AKAP6: variants seen among roughly 807,000 people sequenced by gnomAD.
AKAP6 encodes A-kinase anchoring protein 6.
Under a neutral mutation model 188.5 loss-of-function variants are expected in AKAP6, and 58 were observed. That is an observed-to-expected ratio of 0.31 (90% CI 0.25 to 0.38). The LOEUF is 0.38. AKAP6 is among the 10% of genes least tolerant of loss of function. The probability of loss-of-function intolerance (pLI) is 1.00; values close to 1 mark genes in which losing one functional copy is unlikely to be tolerated. For missense variants in AKAP6, 2,710 were observed against 2,740.0 expected, an observed-to-expected ratio of 0.99 and a Z score of 0.24; for synonymous variants, 989 against 998.6, an observed-to-expected ratio of 0.99 and a Z score of 0.18.
intron 7 of AKAP6, among the ~76,000 whole-genome samples, chr14:32,665,057 C>T (rs1407342516): frequency 1.3e-5 from 2 of 152,002 alleles, no homozygotes; most frequent in African/African-American, 2.4e-5. Flanking sequence ...CTGTGATTTT[C>T]CTCTACTCTC....
intron 8 of AKAP6, among the ~76,000 whole-genome samples, chr14:32,680,797 A>G (rs900671632): frequency 6.6e-6 from 1 of 152,232 alleles, no homozygotes; most frequent in African/African-American, 2.4e-5. Context: ...ACAAAAAGGT[A>G]TGTTATCAAG....
At chr14:32,340,615 C>T (rs1206269564) in intron 1 of AKAP6, among the ~76,000 whole-genome samples, 5 of 152,152 alleles carry the variant, frequency 3.3e-5, no homozygotes, top group Admixed American at 1.3e-4. Flanking sequence ...TTTAAATTTC[C>T]TTAGTGTGCT....
At chr14:32,587,277 C>A (rs1885294274) in intron 5 of AKAP6, among the ~76,000 whole-genome samples, 1 of 151,902 alleles carries the variant, frequency 6.6e-6, no homozygotes, top group South Asian at 2.1e-4. Context: ...GGAAATTAGT[C>A]TCTTCTCTGT....
chr14:32,702,912 C>T (rs1177362488), intron 9 of AKAP6, among the ~76,000 whole-genome samples: 2 of 152,116 alleles, frequency 1.3e-5, no homozygotes, highest in African/African-American at 4.8e-5. Context: ...CGCTTAATCA[C>T]AACAGGGCTG....
Position 32,773,779 on chromosome 14 carries a change from A to G in AKAP6, c.3474A>G (p.Ala1158=). 1.2e-6 allele frequency: 2 copies of G among 1,614,154 alleles called. No individual in the cohort carries two copies. Among genetic ancestry groups the G allele is most frequent in the Non-Finnish European group, 1.7e-6 (2 of 1,179,980 alleles). ...ACCGGGAGACTTGCAATCTGAATGC[A>G]GACCACCAGCCCATGCAGCTGATCA... ...LDDRETCNLN[A]DHQPMQLIIV... The change falls in exon 12 of 14, where the codon GCA becomes GCG. Residue 1158 remains alanine (A), a synonymous_variant. Coordinates refer to ENST00000280979, the MANE Select transcript of AKAP6 (RefSeq NM_004274.5).
chr14:32,387,496 A>T (rs956462862), intron 1 of AKAP6, among the ~76,000 whole-genome samples: 13 of 148,170 alleles, frequency 8.8e-5, no homozygotes, highest in Non-Finnish European at 1.5e-4. Context: ...TATTTTATAT[A>T]TTATGATATT....
chr14:32,610,368 G>A (rs1202327186), intron 7 of AKAP6, among the ~76,000 whole-genome samples: 2 of 151,944 alleles, frequency 1.3e-5, no homozygotes, highest in Non-Finnish European at 2.9e-5. Flanking sequence ...CCTTTTCTTT[G>A]TTCTTTGCTC....
chr14:32,410,797 A>G (rs1016896969), intron 1 of AKAP6, among the ~76,000 whole-genome samples: 1 of 152,108 alleles, frequency 6.6e-6, no homozygotes, highest in African/African-American at 2.4e-5. Flanking sequence ...CTTTTTAATT[A>G]TTTTGGGATA....
At chr14:32,732,327 G>T (rs1041150749) in intron 9 of AKAP6, 127 bp from the exon 10 acceptor site, 29 of 925,020 alleles carry the variant, frequency 3.1e-5, no homozygotes, top group Non-Finnish European at 4.3e-5. Context: ...CTTAGGTTTA[G>T]CCTCCCCATA....
At chr14:32,789,948 C>G (rs561609950) in intron 12 of AKAP6, among the ~76,000 whole-genome samples, 1 of 152,026 alleles carries the variant, frequency 6.6e-6, no homozygotes, top group Non-Finnish European at 1.5e-5. Context: ...ATGTTGTAAC[C>G]CAATGCAAAG....
intron 1 of AKAP6, among the ~76,000 whole-genome samples, chr14:32,426,149 G>A (rs987498499): frequency 5.3e-5 from 8 of 152,130 alleles, no homozygotes; most frequent in Admixed American, 1.3e-4. Flanking sequence ...ACCTTCTCTA[G>A]TAAAGGTTCG....
Position 32,822,328 on chromosome 14 carries a change from T to TA in AKAP6, c.4521dup (p.Ser1508IlefsTer5). 2 of 1,613,890 alleles carry TA rather than the reference T, an allele frequency of 1.2e-6. No homozygotes were observed. The highest frequency in any genetic ancestry group is 1.7e-6 in the Non-Finnish European group (2 of 1,179,914). Reference sequence around the variant, plus strand: ...CCCTGCTTCGTGGTTTTTATTTTGATAAAAAATCATGCAAATCTAAACATC... The same window carrying TA: ...CCCTGCTTCGTGGTTTTTATTTTGATAAAAAAATCATGCAAATCTAAACATC... On this transcript the variant is annotated frameshift_variant, in exon 13 of 14. Coordinates refer to ENST00000280979, the MANE Select transcript of AKAP6 (RefSeq NM_004274.5). LOFTEE classifies it high-confidence loss of function.
intron 5 of AKAP6, among the ~76,000 whole-genome samples, chr14:32,597,781 A>G (rs1052341822): frequency 6.6e-6 from 1 of 152,210 alleles, no homozygotes; most frequent in Non-Finnish European, 1.5e-5. Context: ...TCATCTTTTA[A>G]TAATGACTTA....
In AKAP6 at chr14:32,511,807, C is replaced by T. The variant is rs144925152; in HGVS notation, c.325-23747C>T. Among the ~76,000 whole-genome samples the T allele has an allele frequency of 3.4e-4, 51 of 152,202 alleles. No individual in the cohort carries two copies. In the East Asian group the frequency reaches 9.3e-3, roughly 28 times the overall value. ...AGTAATAATCTCATTTTAAATGTCT[C>T]GTTCATCTTTCTCTTTCCTGTGTTT... is the stretch of plus-strand genomic sequence containing the variant. On this transcript the variant is annotated intron_variant, in intron 2 of 13. Coordinates refer to ENST00000280979, the MANE Select transcript of AKAP6 (RefSeq NM_004274.5).
intron 3 of AKAP6, among the ~76,000 whole-genome samples, chr14:32,543,677 A>G (rs1341672857): frequency 3.9e-5 from 6 of 152,192 alleles, no homozygotes; most frequent in Admixed American, 3.3e-4. Context: ...CAGATTTGCA[A>G]TTTGTGTAGG....
Position 32,568,313 on chromosome 14 carries a change from T to C in AKAP6, c.2347-8807T>C, listed in dbSNP as rs1276756751. ...CTATTTAATAACCACTTAATAGCTA[T>C]AGGACCTTAAATAAATTACATAACT... is the stretch of plus-strand genomic sequence containing the variant. On this transcript the variant is annotated intron_variant, in intron 4 of 13. Coordinates refer to ENST00000280979, the MANE Select transcript of AKAP6 (RefSeq NM_004274.5). The surrounding 1 kb of genome is among the most constrained non-coding windows in gnomAD (Gnocchi z 6.2). 1.3e-5 allele frequency among the ~76,000 whole-genome samples: 2 copies of C among 152,216 alleles called. No homozygotes were observed. Among genetic ancestry groups the C allele is most frequent in the Admixed American group, 1.3e-4 (2 of 15,272 alleles).
At chr14:32,550,274 G>C (rs903513215) in intron 4 of AKAP6, among the ~76,000 whole-genome samples, 1 of 152,234 alleles carries the variant, frequency 6.6e-6, no homozygotes, top group Non-Finnish European at 1.5e-5. Flanking sequence ...CTGGTTTGAA[G>C]TAGAGGTGGT....
chr14:32,467,216 AAAAAAC>A (rs1356887244), intron 2 of AKAP6, among the ~76,000 whole-genome samples: 2 of 126,462 alleles, frequency 1.6e-5, no homozygotes, highest in Admixed American at 7.6e-5. Context: ...TGGAAGGAAA[AAAAAAC>A]AAAAACAAAA....
At chr14:32,541,912 T>C (rs1882972883) in intron 3 of AKAP6, among the ~76,000 whole-genome samples, 1 of 152,196 alleles carries the variant, frequency 6.6e-6, no homozygotes, top group African/African-American at 2.4e-5. Flanking sequence ...TTTGTTGAGA[T>C]TGATTTCTTA....
Sources: gnomAD v4.1 joint callset for allele counts (sites outside exome capture counted in the v4.1 genomes callset) on GRCh38, gnomAD v4.1.1 for gene constraint, Gnocchi (gnomAD v3.1) non-coding constraint, MANE v1.5 for transcripts, NCBI Gene and HGNC (gene_info 2026-07-23, HGNC 2026-07-21) for gene names.